Variants in STYXL1 observed in about 807,000 individuals in gnomAD.
STYXL1 encodes serine/threonine/tyrosine-interacting-like protein 1.
Under a neutral mutation model 36.4 loss-of-function variants are expected in STYXL1, and 32 were observed. The ratio of observed to expected loss-of-function variants is 0.88; its 90% confidence interval spans 0.66 to 1.18. The LOEUF (loss-of-function observed/expected upper bound fraction) is 1.18, where lower values mean the gene tolerates loss of function less well. Among genes scored for constraint, STYXL1 ranks in the 50% most tolerant of loss-of-function variants. The probability of loss-of-function intolerance (pLI) is 0.00; values close to 1 mark genes in which losing one functional copy is unlikely to be tolerated. For missense variants in STYXL1, 354 were observed against 394.1 expected, an observed-to-expected ratio of 0.90 and a Z score of 0.86; for synonymous variants, 133 against 144.1, an observed-to-expected ratio of 0.92 and a Z score of 0.55.
At chr7:76,016,186 AT>A (rs1177338615) in intron 4 of STYXL1, among the ~76,000 whole-genome samples, 1 of 151,936 alleles carries the variant, frequency 6.6e-6, no homozygotes, top group African/African-American at 2.4e-5. Flanking sequence ...ATTTATAGAT[AT>A]ATGTATATCT....
chr7:76,047,109 AC>A (rs1554583985), intron 1 of STYXL1, among the ~76,000 whole-genome samples: 1 of 151,498 alleles, frequency 6.6e-6, no homozygotes, highest in Non-Finnish European at 1.5e-5. Flanking sequence ...AAAAAAAAAT[AC>A]AAAAAATTAG....
intron 4 of STYXL1, among the ~76,000 whole-genome samples, chr7:76,014,512 T>C (rs1328646981): frequency 1.3e-5 from 2 of 151,760 alleles, no homozygotes; most frequent in Non-Finnish European, 2.9e-5. Flanking sequence ...CCACCACACC[T>C]GGCTAAATTT....
chr7:76,022,045 G>A (rs1478171247), intron 3 of STYXL1, 53 bp from the exon 4 acceptor site: 23 of 1,580,806 alleles, frequency 1.5e-5, no homozygotes, highest in South Asian at 8.0e-5. Context: ...GGGCAGGTTC[G>A]GTTGAGCAGA....
intron 1 of STYXL1, chr7:76,045,308 T>C (rs1385892671): frequency 1.3e-5 from 2 of 152,310 alleles, no homozygotes; most frequent in African/African-American, 2.4e-5. Context: ...TCTCCCTGAA[T>C]AGATTCCTAA....
Position 76,019,306 on chromosome 7 carries a change from T to C in STYXL1, c.307+2545A>G, listed in dbSNP as rs538020230. On this transcript the variant is annotated intron_variant, in intron 4 of 8. Transcript: ENST00000359697. ...TCTTTTTTTTTTTTTTTTAAATACG[T>C]TTTTTTTAGAGACAGGGTCTTACGC... Among the ~76,000 whole-genome samples the C allele has an allele frequency of 1.8e-4, 27 of 150,978 alleles. No individual in the cohort carries two copies. The East Asian group carries it at 5.1e-3, about 28-fold the overall frequency.
At chr7:76,037,902 G>A (rs1228263830) in intron 1 of STYXL1, among the ~76,000 whole-genome samples, 1 of 150,084 alleles carries the variant, frequency 6.7e-6, no homozygotes, top group Non-Finnish European at 1.5e-5. Context: ...GGCTGTGCCA[G>A]CATGACCAAG....
At chr7:76,021,221 A>G (rs1388141766) in intron 4 of STYXL1, among the ~76,000 whole-genome samples, 2 of 151,990 alleles carry the variant, frequency 1.3e-5, no homozygotes, top group African/African-American at 2.4e-5. Context: ...AGCAGGGACT[A>G]CAGGCGCCTG....
chr7:76,031,183 T>A (rs1307966086), intron 1 of STYXL1, among the ~76,000 whole-genome samples: 5 of 144,394 alleles, frequency 3.5e-5, no homozygotes, highest in Admixed American at 2.8e-4. Context: ...TAATAATAAT[T>A]AGCCAGGCAT....
At chr7:76,004,169 C>T (rs1791347197) in intron 6 of STYXL1, among the ~76,000 whole-genome samples, 1 of 152,178 alleles carries the variant, frequency 6.6e-6, no homozygotes, top group East Asian at 1.9e-4. Context: ...TCTCGGCTCA[C>T]TGCAACCTCT....
intron 5 of STYXL1, among the ~76,000 whole-genome samples, chr7:76,011,806 C>T (rs1275349798): frequency 3.9e-5 from 6 of 152,216 alleles, no homozygotes; most frequent in African/African-American, 1.4e-4. Flanking sequence ...AGCTCAAGTG[C>T]CCCTTCTCTG....
chr7:76,017,052 G>A (rs935696493), intron 4 of STYXL1, among the ~76,000 whole-genome samples: 31 of 151,852 alleles, frequency 2.0e-4, no homozygotes, highest in African/African-American at 6.3e-4. Context: ...ATGGAGTCTC[G>A]CTCTTGTCGC....
At chr7:76,031,941 T>C (rs572150151) in intron 1 of STYXL1, among the ~76,000 whole-genome samples, 74 of 152,290 alleles carry the variant, frequency 4.9e-4, no homozygotes, top group African/African-American at 1.7e-3. Flanking sequence ...ATGCAGACAC[T>C]TGCAGAAAGA....
In STYXL1 at chr7:75,996,533, GC is replaced by G; in HGVS notation, c.876del (p.Gln292HisfsTer62). The G allele has an allele frequency of 6.2e-7, 1 of 1,614,230 alleles. No homozygotes were observed. Among genetic ancestry groups the G allele is most frequent in the Non-Finnish European group, 8.5e-7 (1 of 1,180,048 alleles). On this transcript the variant is annotated frameshift_variant, in exon 9 of 9. Coordinates refer to ENST00000359697, the MANE Select transcript of STYXL1 (RefSeq NM_001317785.2). LOFTEE classifies it high-confidence loss of function. The part of the protein sequence containing the change: ...NMCPNRGLVS[Q>X]LLEWEKTILG... ...AGGATAGTCTTCTCCCATTCCAGCA[GC>G]TGGCTCACCAATCCCCGATTTGGAC... is the stretch of plus-strand genomic sequence containing the variant.
chr7:76,001,345 C>T (rs1361027231), intron 7 of STYXL1, among the ~76,000 whole-genome samples: 2 of 152,244 alleles, frequency 1.3e-5, no homozygotes, highest in East Asian at 1.9e-4. Context: ...CAAAAACAGT[C>T]AGGAGCTGAC....
At chr7:76,025,862 C>G (rs1794639787) in intron 3 of STYXL1, among the ~76,000 whole-genome samples, 1 of 151,750 alleles carries the variant, frequency 6.6e-6, no homozygotes, top group African/African-American at 2.4e-5. Context: ...ACAGCCTGCC[C>G]ATGCTCCCTG....
At chr7:76,016,621 C>T (rs1280673459) in intron 4 of STYXL1, among the ~76,000 whole-genome samples, 3 of 152,040 alleles carry the variant, frequency 2.0e-5, no homozygotes, top group Non-Finnish European at 2.9e-5. Flanking sequence ...AAGCAGCCAA[C>T]GAACGTGAAA....
At chr7:76,046,343 C>T (rs78229681) in intron 1 of STYXL1, among the ~76,000 whole-genome samples, 96 of 36,846 alleles carry the variant, frequency 2.6e-3, no homozygotes, top group East Asian at 7.4e-3. Context: ...TGTGTGTGCG[C>T]GCGCGCGCGC....
intron 1 of STYXL1, among the ~76,000 whole-genome samples, chr7:76,041,489 G>T (rs1796473231): frequency 6.6e-6 from 1 of 152,172 alleles, no homozygotes. Flanking sequence ...TATTAAGATG[G>T]ATGAATGTCT....
At chr7:76,044,830 G>A (rs1563532041) in intron 1 of STYXL1, 1 of 152,098 alleles carries the variant, frequency 6.6e-6, no homozygotes, top group Non-Finnish European at 1.5e-5. Context: ...TGGGTAGCTG[G>A]GACTACAAGC....
Sources: allele counts gnomAD v4.1 joint callset (sites outside exome capture counted in the v4.1 genomes callset), GRCh38; gene constraint gnomAD v4.1.1; transcripts MANE v1.5; gene names NCBI Gene and HGNC (gene_info 2026-07-23, HGNC 2026-07-21).